Variants in BAZ2B observed in about 807,000 individuals in gnomAD.
BAZ2B encodes bromodomain adjacent to zinc finger domain protein 2B.
BAZ2B carries 91 observed loss-of-function variants against 246.0 expected under a neutral mutation model. That is an observed-to-expected ratio of 0.37 (90% confidence interval 0.31 to 0.44). BAZ2B has a LOEUF of 0.44. Among genes scored for constraint, BAZ2B ranks in the 20% least tolerant of loss-of-function variants. BAZ2B has a pLI of 1.00. For synonymous variants in BAZ2B, 855 were observed against 860.0 expected (o/e 0.99, Z 0.10); for missense variants, 2,332 against 2,533.7 (o/e 0.92, Z 1.71).
At chr2:159,341,944 A>C (rs1230428303) in intron 31 of BAZ2B, among the ~76,000 whole-genome samples, 1 of 152,208 alleles carries the variant, frequency 6.6e-6, no homozygotes, top group Admixed American at 6.5e-5. Flanking sequence ...ACAATCTAGC[A>C]ATGCCCTTCA....
At chr2:159,440,466 A>G (rs983947306) in intron 6 of BAZ2B, among the ~76,000 whole-genome samples, 3 of 149,274 alleles carry the variant, frequency 2.0e-5, no homozygotes, top group African/African-American at 7.4e-5. Flanking sequence ...TAACATTCAT[A>G]TGAGTGAGGA....
At chr2:159,390,078 T>C (rs995861752) in intron 20 of BAZ2B, among the ~76,000 whole-genome samples, 4 of 152,162 alleles carry the variant, frequency 2.6e-5, no homozygotes, top group Non-Finnish European at 4.4e-5. Context: ...TGATTTTCTA[T>C]AATACCATTA....
chr2:159,429,305 AAAT>A (rs765818950), intron 10 of BAZ2B, 45 bp from the exon 11 acceptor site: 4 of 1,131,218 alleles, frequency 3.5e-6, no homozygotes, highest in Non-Finnish European at 3.7e-6. Flanking sequence ...TCATTAATAT[AAAT>A]AATAATATTG....
the BAZ2B span, among the ~76,000 whole-genome samples, chr2:159,624,815 C>T: frequency 6.6e-6 from 1 of 152,184 alleles, no homozygotes; most frequent in East Asian, 1.9e-4. Flanking sequence ...GGGAACAAAA[C>T]TGGATGGAGA....
chr2:159,657,068 A>G, the BAZ2B span, among the ~76,000 whole-genome samples: 1 of 152,136 alleles, frequency 6.6e-6, no homozygotes, highest in South Asian at 2.1e-4. Context: ...TGCAAACTCT[A>G]GGTCACTTAG....
intron 2 of BAZ2B, among the ~76,000 whole-genome samples, chr2:159,544,319 C>A (rs914246519): frequency 6.6e-6 from 1 of 152,058 alleles, no homozygotes; most frequent in African/African-American, 2.4e-5. Context: ...TAGTACCTGG[C>A]GCACAGTGAG....
At chr2:159,417,810 G>T (rs2068024869) in intron 13 of BAZ2B, among the ~76,000 whole-genome samples, 1 of 152,150 alleles carries the variant, frequency 6.6e-6, no homozygotes, top group Non-Finnish European at 1.5e-5. Flanking sequence ...AAGGACCTCA[G>T]GCTCAGTCAA....
chr2:159,399,842 A>G (rs1296223271), intron 17 of BAZ2B, among the ~76,000 whole-genome samples: 3 of 152,166 alleles, frequency 2.0e-5, no homozygotes, highest in Non-Finnish European at 4.4e-5. Context: ...TCACTCTTTT[A>G]GATGGAAATA....
chr2:159,644,661 C>G, the BAZ2B span, among the ~76,000 whole-genome samples: 4 of 152,188 alleles, frequency 2.6e-5, no homozygotes, highest in Admixed American at 2.0e-4. Context: ...TTCATTCTGT[C>G]TTGTCTTTCT....
rs761866580 is a variant in BAZ2B, at chr2:159,325,927, T to TA, written c.5944-10dup. On this transcript the variant is annotated splice_polypyrimidine_tract_variant and intron_variant, in intron 34 of 36. Transcript: ENST00000392783. ...AGAGTTTGACCACTTGCCTTTAATTTAAAAAAAAAGTAAATGAGGTGTAAG... is the reference window on the plus strand; with the variant it reads ...AGAGTTTGACCACTTGCCTTTAATTTAAAAAAAAAAGTAAATGAGGTGTAAG... The TA allele has an allele frequency of 9.0e-5, 139 of 1,551,376 alleles. No homozygotes were observed. The highest frequency in any genetic ancestry group is 2.6e-4 in the Admixed American group (12 of 45,722).
chr2:159,631,250 G>A, the BAZ2B span, among the ~76,000 whole-genome samples: 1 of 152,160 alleles, frequency 6.6e-6, no homozygotes, highest in East Asian at 1.9e-4. Context: ...GGTGTTTTTG[G>A]GAAATTAATT....
In BAZ2B at chr2:159,584,880, G is replaced by C. The variant is rs182830681; in HGVS notation, c.-45-29015C>G. 2.1e-3 allele frequency among the ~76,000 whole-genome samples: 317 copies of C among 152,200 alleles called. 1 individual carries two copies. The highest frequency in any genetic ancestry group is 7.3e-3 in the African/African-American group (305 of 41,524). On this transcript the variant is annotated intron_variant, in intron 1 of 36. Transcript: ENST00000392783. ...TCTTGGGAGATCTAGTCATTTAAAA[G>C]TGTATAGCACCTGGCCCTCTCTCGC...
At chr2:159,412,129 T>C (rs1192129694) in intron 14 of BAZ2B, 2 of 333,476 alleles carry the variant, frequency 6.0e-6, no homozygotes, top group Non-Finnish European at 8.5e-6. Flanking sequence ...GGATAGGATG[T>C]GTTTATGAGT....
intron 35 of BAZ2B, 37 bp from the exon 36 acceptor site, chr2:159,324,991 T>G: frequency 7.5e-7 from 1 of 1,329,234 alleles, no homozygotes; most frequent in Non-Finnish European, 9.7e-7. Context: ...TATCCATACT[T>G]TACAACTGTC....
rs921693100 is a variant in BAZ2B at position 159,526,543 on chromosome 2, T to C, written c.-3+29280A>G. On this transcript the variant is annotated intron_variant, in intron 2 of 36. Coordinates refer to ENST00000392783, the MANE Select transcript of BAZ2B (RefSeq NM_013450.4). ...AAAATGAATGACATAGAGCTACTTA[T>C]ATTAACATAGATATATATCTTTAAT... Among the ~76,000 whole-genome samples, 13 of 152,234 alleles carry C rather than the reference T, an allele frequency of 8.5e-5. 1 individual carries two copies. Among genetic ancestry groups the C allele is most frequent in the Admixed American group, 7.2e-4 (11 of 15,278 alleles).
At chr2:159,653,734 T>C in the BAZ2B span, among the ~76,000 whole-genome samples, 1 of 152,228 alleles carries the variant, frequency 6.6e-6, no homozygotes, top group East Asian at 1.9e-4. Flanking sequence ...TGCTGACTTC[T>C]ATATTAGTGT....
At chr2:159,617,623 A>G (rs1343999816), upstream of BAZ2B, among the ~76,000 whole-genome samples, 1 of 152,184 alleles carries the variant, frequency 6.6e-6, no homozygotes, top group Non-Finnish European at 1.5e-5. Flanking sequence ...TTGATCATCT[A>G]TGTATATTTT....
intron 1 of BAZ2B, among the ~76,000 whole-genome samples, chr2:159,556,966 T>C (rs982040391): frequency 1.7e-4 from 26 of 152,178 alleles, no homozygotes; most frequent in African/African-American, 6.0e-4. Flanking sequence ...TTAGAAATGA[T>C]ACATGACTTG....
At chr2:159,423,959 C>T (rs1187543722) in intron 13 of BAZ2B, among the ~76,000 whole-genome samples, 1 of 152,112 alleles carries the variant, frequency 6.6e-6, no homozygotes, top group African/African-American at 2.4e-5. Flanking sequence ...CTCAGTGATG[C>T]ACAGCTTGCC....
Sources: gnomAD v4.1 joint callset for allele counts (sites outside exome capture counted in the v4.1 genomes callset) on GRCh38, gnomAD v4.1.1 for gene constraint, MANE v1.5 for transcripts, NCBI Gene and HGNC (gene_info 2026-07-23, HGNC 2026-07-21) for gene names.